PPP3CC: variants seen among roughly 807,000 people sequenced by gnomAD.
PPP3CC encodes serine/threonine-protein phosphatase 2B catalytic subunit gamma isoform.
Under a neutral mutation model 60.3 loss-of-function variants are expected in PPP3CC, and 35 were observed. That is an observed-to-expected ratio of 0.58 (90% CI 0.44 to 0.77). The LOEUF is 0.77. PPP3CC is among the 30% of genes least tolerant of loss of function. The pLI, the probability that PPP3CC is intolerant of heterozygous loss-of-function variation, is 0.00. For missense variants in PPP3CC, 570 were observed against 628.9 expected (o/e 0.91, Z 1.00); for synonymous variants, 206 against 224.3 (o/e 0.92, Z 0.73).
intron 1 of PPP3CC, among the ~76,000 whole-genome samples, chr8:22,464,730 T>C (rs1837467755): frequency 6.6e-6 from 1 of 152,182 alleles, no homozygotes. Flanking sequence ...GCCTTTTCAG[T>C]GTTTAGCACA....
chr8:22,446,056 T>C (rs996426179), intron 1 of PPP3CC, among the ~76,000 whole-genome samples: 4 of 152,366 alleles, frequency 2.6e-5, no homozygotes, highest in African/African-American at 9.6e-5. Flanking sequence ...TTCTCTCTTT[T>C]ATTGCATTTT....
At chr8:22,473,032 G>A (rs1190198427) in intron 1 of PPP3CC, among the ~76,000 whole-genome samples, 2 of 152,120 alleles carry the variant, frequency 1.3e-5, no homozygotes, top group Non-Finnish European at 1.5e-5. Context: ...AGCTGCTATC[G>A]TTTTTTCAGT....
At chr8:22,539,602 A>G (rs1400730675) in intron 13 of PPP3CC, 104 bp downstream of exon 13, 2 of 1,194,840 alleles carry the variant, frequency 1.7e-6, no homozygotes, top group East Asian at 2.4e-5. Context: ...CACCAGAACT[A>G]TAACAGTGAG....
chr8:22,533,113 C>A, intron 12 of PPP3CC, 95 bp downstream of exon 12: 1 of 907,978 alleles, frequency 1.1e-6, no homozygotes, highest in Non-Finnish European at 1.6e-6. Flanking sequence ...GAAAATGCCA[C>A]GAGAGCAGTT....
chr8:22,476,682 C>T (rs924526832), intron 3 of PPP3CC, among the ~76,000 whole-genome samples: 1 of 152,062 alleles, frequency 6.6e-6, no homozygotes, highest in African/African-American at 2.4e-5. Flanking sequence ...CCTGTAATCC[C>T]AGCACTTTGG....
chr8:22,443,062 G>A (rs11986952), intron 1 of PPP3CC, among the ~76,000 whole-genome samples: 4,228 of 152,198 alleles, frequency 0.028, 190 homozygotes, highest in African/African-American at 0.095. Context: ...GGATCTTAGT[G>A]AAGCTTAGTG....
intron 6 of PPP3CC, among the ~76,000 whole-genome samples, chr8:22,513,864 A>G (rs1839162277): frequency 6.6e-6 from 1 of 152,230 alleles, no homozygotes; most frequent in African/African-American, 2.4e-5. Context: ...AAAGAACAGG[A>G]CATTGTGAAC....
intron 1 of PPP3CC, among the ~76,000 whole-genome samples, chr8:22,449,884 T>C (rs1455097004): frequency 1.3e-5 from 2 of 150,406 alleles, no homozygotes; most frequent in African/African-American, 4.9e-5. Flanking sequence ...TTTTTTTTTT[T>C]CTGAGACAGA....
chr8:22,465,940 A>C (rs1285798052), intron 1 of PPP3CC, among the ~76,000 whole-genome samples: 3 of 152,026 alleles, frequency 2.0e-5, no homozygotes, highest in Non-Finnish European at 4.4e-5. Flanking sequence ...TGCACCCACC[A>C]ACTCATCATT....
intron 3 of PPP3CC, among the ~76,000 whole-genome samples, chr8:22,489,686 TA>T (rs1184197028): frequency 1.5e-5 from 1 of 67,734 alleles, no homozygotes; most frequent in Non-Finnish European, 3.5e-5. Flanking sequence ...ATATTATATA[TA>T]AGTATATATT....
chr8:22,444,316 A>C (rs1836762455), intron 1 of PPP3CC, among the ~76,000 whole-genome samples: 1 of 152,190 alleles, frequency 6.6e-6, no homozygotes, highest in African/African-American at 2.4e-5. Flanking sequence ...CTTCCCTGTC[A>C]AGCCTGGGTC....
chr8:22,468,661 G>T (rs1837621547), intron 1 of PPP3CC, among the ~76,000 whole-genome samples: 2 of 152,006 alleles, frequency 1.3e-5, no homozygotes. Flanking sequence ...TAATTGAATA[G>T]ATTTTCTCAT....
intron 12 of PPP3CC, among the ~76,000 whole-genome samples, chr8:22,537,630 C>T (rs1281676424): frequency 6.6e-6 from 1 of 152,094 alleles, no homozygotes; most frequent in Non-Finnish European, 1.5e-5. Flanking sequence ...TGGCATTCAA[C>T]ATAATAGCCA....
At chr8:22,494,530 AT>A (rs1264556095) in intron 3 of PPP3CC, among the ~76,000 whole-genome samples, 1 of 152,156 alleles carries the variant, frequency 6.6e-6, no homozygotes, top group Non-Finnish European at 1.5e-5. Flanking sequence ...TATACAGAAT[AT>A]TTCATAAGTG....
Position 22,475,115 on chromosome 8 carries a change from GAGA to G in PPP3CC, c.215_217del (p.Lys72del). 6.2e-7 allele frequency: 1 copy of G among 1,613,194 alleles called. No homozygotes were observed. Among genetic ancestry groups the G allele is most frequent in the Non-Finnish European group, 8.5e-7 (1 of 1,179,402 alleles). On this transcript the variant is annotated inframe_deletion, in exon 2 of 14. Coordinates refer to ENST00000240139, the MANE Select transcript of PPP3CC (RefSeq NM_005605.5). ...TGATGGGGCTGCCATCCTGAGGCAA[GAGA>G]AGACTATGATAGAAGTAGATGCTCC...
intron 4 of PPP3CC, among the ~76,000 whole-genome samples, chr8:22,498,571 CTG>C (rs1334204867): frequency 3.7e-4 from 56 of 152,272 alleles, no homozygotes; most frequent in African/African-American, 1.3e-3. Flanking sequence ...ATACATATAT[CTG>C]TATATATTTT....
At chr8:22,481,115 C>T (rs1198404607) in intron 3 of PPP3CC, among the ~76,000 whole-genome samples, 1 of 151,998 alleles carries the variant, frequency 6.6e-6, no homozygotes, top group Non-Finnish European at 1.5e-5. Context: ...AGGTGGATCA[C>T]CTGAGGTCAG....
chr8:22,471,513 A>C (rs1057145561), intron 1 of PPP3CC, among the ~76,000 whole-genome samples: 2 of 152,194 alleles, frequency 1.3e-5, no homozygotes, highest in African/African-American at 4.8e-5. Flanking sequence ...GATATAGCCT[A>C]TTACTTCTAG....
At chr8:22,449,691 A>G (rs1360649179) in intron 1 of PPP3CC, among the ~76,000 whole-genome samples, 1 of 152,036 alleles carries the variant, frequency 6.6e-6, no homozygotes, top group Non-Finnish European at 1.5e-5. Context: ...GTATGGAGAA[A>G]GAAAAGGTAC....
Sources: gnomAD v4.1 joint callset for allele counts (sites outside exome capture counted in the v4.1 genomes callset) on GRCh38, gnomAD v4.1.1 for gene constraint, MANE v1.5 for transcripts, NCBI Gene and HGNC (gene_info 2026-07-23, HGNC 2026-07-21) for gene names.